RUNX1: variants seen among roughly 807,000 people sequenced by gnomAD.
The protein encoded by RUNX1 is RUNX family transcription factor 1.
In RUNX1, 19 loss-of-function variants were observed where a neutral mutation model predicts 42.8. The observed-to-expected ratio is 0.44, with a 90% CI of 0.31 to 0.65. RUNX1 has a LOEUF of 0.65. Ranked by LOEUF, RUNX1 falls within the 30% of genes least tolerant of loss-of-function variation. RUNX1 has a pLI of 0.07. For missense variants in RUNX1, 528 were observed against 672.0 expected (o/e 0.79, Z 2.37); for synonymous variants, 271 against 289.4 (o/e 0.94, Z 0.64).
chr21:34,877,657 A>G (rs2057833469), intron 5 of RUNX1, among the ~76,000 whole-genome samples: 1 of 152,238 alleles, frequency 6.6e-6, no homozygotes, highest in Admixed American at 6.5e-5. Flanking sequence ...GAGGCCATCA[A>G]AGCCGGACAG....
intron 2 of RUNX1, among the ~76,000 whole-genome samples, chr21:34,965,956 A>T (rs1334520033): frequency 6.6e-6 from 1 of 152,134 alleles, no homozygotes; most frequent in African/African-American, 2.4e-5. Context: ...ATGCCAGGAC[A>T]GGGATGGCTA....
intron 2 of RUNX1, among the ~76,000 whole-genome samples, chr21:35,035,020 G>A (rs780042178): frequency 3.3e-5 from 5 of 152,188 alleles, no homozygotes; most frequent in Non-Finnish European, 7.3e-5. Context: ...GTGACCACGC[G>A]CACTCACTGG....
At chr21:34,972,297 G>A (rs1223423074) in intron 2 of RUNX1, among the ~76,000 whole-genome samples, 1 of 152,058 alleles carries the variant, frequency 6.6e-6, no homozygotes, top group African/African-American at 2.4e-5. Context: ...AATATTCTAT[G>A]GCAAAACATT....
intron 2 of RUNX1, among the ~76,000 whole-genome samples, chr21:34,919,311 T>G (rs960538751): frequency 1.3e-5 from 2 of 152,196 alleles, no homozygotes; most frequent in African/African-American, 4.8e-5. Context: ...GGGACTTTTG[T>G]GAGGGATCCC....
intron 7 of RUNX1, among the ~76,000 whole-genome samples, chr21:34,809,130 C>T (rs764571702): frequency 6.6e-6 from 1 of 152,144 alleles, no homozygotes. Context: ...ACTTTCCAGG[C>T]CTGAAGGAGC....
intron 2 of RUNX1, among the ~76,000 whole-genome samples, chr21:34,985,519 C>T (rs962249638): frequency 6.6e-6 from 1 of 152,176 alleles, no homozygotes; most frequent in Admixed American, 6.5e-5. Context: ...GATTTTTTCT[C>T]TGAAAGCTCT....
intron 5 of RUNX1, among the ~76,000 whole-genome samples, chr21:34,868,688 G>A (rs921796188): frequency 1.6e-4 from 24 of 152,290 alleles, no homozygotes; most frequent in Middle Eastern, 3.4e-3. Flanking sequence ...CTTGGCTCCC[G>A]CCACACCCAT....
intron 6 of RUNX1, among the ~76,000 whole-genome samples, chr21:34,846,238 A>G (rs1490419964): frequency 7.2e-6 from 1 of 139,738 alleles, no homozygotes; most frequent in Non-Finnish European, 1.5e-5. Flanking sequence ...AAGTCATGGG[A>G]ACTCTAGTTA....
intron 6 of RUNX1, among the ~76,000 whole-genome samples, chr21:34,857,574 C>T (rs1004643461): frequency 3.9e-5 from 6 of 152,198 alleles, no homozygotes; most frequent in African/African-American, 1.2e-4. Context: ...GTCCCAGAGA[C>T]GGCTGTTGCT....
chr21:34,912,016 TG>T (rs2058276448), intron 2 of RUNX1, among the ~76,000 whole-genome samples: 1 of 151,944 alleles, frequency 6.6e-6, no homozygotes, highest in African/African-American at 2.4e-5. Context: ...ATTTGATTTC[TG>T]TGTTTATGTA....
At chr21:34,864,526 A>G (rs2057627899) in intron 5 of RUNX1, among the ~76,000 whole-genome samples, 1 of 152,174 alleles carries the variant, frequency 6.6e-6, no homozygotes, top group African/African-American at 2.4e-5. Flanking sequence ...TGGTCTGGTG[A>G]GGCCAGCAGA....
At position 34,890,940 on chromosome 21, in the gene RUNX1, C is replaced by A. The variant is rs116345398; in HGVS notation, c.97+1985G>T. On this transcript the variant is annotated intron_variant, in intron 3 of 8. Coordinates refer to ENST00000675419, the MANE Select transcript of RUNX1 (RefSeq NM_001754.5). ...CCCAGGGCTCCTGGGGCCACCCCCA[C>A]GTGCATCCCCCGGAACCCCCGAGAT... Among the ~76,000 whole-genome samples the A allele has an allele frequency of 4.0e-3, 613 of 152,248 alleles. 2 individuals are homozygous for A. Among genetic ancestry groups the A allele is most frequent in the African/African-American group, 0.012 (518 of 41,560 alleles).
intron 2 of RUNX1, among the ~76,000 whole-genome samples, chr21:34,986,702 A>G (rs2058890380): frequency 6.6e-6 from 1 of 151,860 alleles, no homozygotes. Context: ...AAGGGATGTC[A>G]AGGGTTGCTG....
At chr21:34,985,936 G>A (rs539494694) in intron 2 of RUNX1, among the ~76,000 whole-genome samples, 4 of 139,876 alleles carry the variant, frequency 2.9e-5, no homozygotes, top group East Asian at 2.2e-4. Context: ...ACAATAGCAC[G>A]ATCATGGTCG....
chr21:34,818,179 C>T (rs2056856969), intron 7 of RUNX1, among the ~76,000 whole-genome samples: 1 of 152,202 alleles, frequency 6.6e-6, no homozygotes, highest in South Asian at 2.1e-4. Flanking sequence ...GGGCTGCGCC[C>T]CTGCCTATTC....
At chr21:34,878,899 T>C (rs889234171) in intron 5 of RUNX1, among the ~76,000 whole-genome samples, 2 of 152,200 alleles carry the variant, frequency 1.3e-5, no homozygotes, top group Admixed American at 1.3e-4. Context: ...CACTAAATAG[T>C]TTTTAAAACT....
At chr21:34,949,300 A>C (rs1329676197) in intron 2 of RUNX1, among the ~76,000 whole-genome samples, 2 of 152,242 alleles carry the variant, frequency 1.3e-5, no homozygotes, top group African/African-American at 2.4e-5. Flanking sequence ...TCTGAGGCTT[A>C]CTGGAGAGTT....
chr21:35,001,972 T>C (rs553148635), intron 2 of RUNX1, among the ~76,000 whole-genome samples: 65 of 152,150 alleles, frequency 4.3e-4, no homozygotes, highest in Middle Eastern at 3.4e-3. Context: ...AACCACAAAA[T>C]ATTACTCAAA....
At chr21:34,820,254 G>C (rs1448226578) in intron 7 of RUNX1, among the ~76,000 whole-genome samples, 1 of 152,118 alleles carries the variant, frequency 6.6e-6, no homozygotes. Flanking sequence ...GGGCTGAGTA[G>C]AATGGGCGTG....
Sources: allele counts gnomAD v4.1 joint callset (sites outside exome capture counted in the v4.1 genomes callset), GRCh38; gene constraint gnomAD v4.1.1; transcripts MANE v1.5; gene names NCBI Gene and HGNC (gene_info 2026-07-23, HGNC 2026-07-21).